GGTA1: variants seen among roughly 807,000 people sequenced by gnomAD.
GGTA1 encodes the protein inactive N-acetyllactosaminide alpha-1,3-galactosyltransferase.
GGTA1 carries 5 observed loss-of-function variants against 2.6 expected under a neutral mutation model. The observed-to-expected ratio is 1.92, with a 90% CI of 1.00 to 4.04. The LOEUF is 4.04. Ranked by LOEUF, GGTA1 falls within the 30% of genes most tolerant of loss-of-function variation. The pLI is 0.00. For synonymous variants in GGTA1, 17 were observed against 5.0 expected, an observed-to-expected ratio of 3.38 and a Z score of -3.19; for missense variants, 50 against 16.7, an observed-to-expected ratio of 2.99 and a Z score of -3.47.
At chr9:121,497,440 C>T (rs539300025) in intron 1 of GGTA1, among the ~76,000 whole-genome samples, 2 of 152,156 alleles carry the variant, frequency 1.3e-5, no homozygotes, top group East Asian at 1.9e-4. Context: ...AAGCACCAAC[C>T]TTAGAGCCAG....
chr9:121,459,675 C>T (rs2064943690), intron 5 of GGTA1, among the ~76,000 whole-genome samples: 1 of 152,142 alleles, frequency 6.6e-6, no homozygotes, highest in East Asian at 1.9e-4. Flanking sequence ...TGGCCAATGG[C>T]ACCATCACCC....
At chr9:121,456,715 C>T (rs146885829) in intron 5 of GGTA1, among the ~76,000 whole-genome samples, 24 of 151,772 alleles carry the variant, frequency 1.6e-4, no homozygotes, top group African/African-American at 5.6e-4. Flanking sequence ...CATGCCCAGC[C>T]GGAAGCATTA....
intron 1 of GGTA1, among the ~76,000 whole-genome samples, chr9:121,484,281 C>T (rs1308875832): frequency 1.3e-5 from 2 of 152,160 alleles, no homozygotes; most frequent in Non-Finnish European, 2.9e-5. Flanking sequence ...CTGGCCAGAA[C>T]TAGATTCACA....
chr9:121,445,633 T>C lies in GGTA1; in HGVS notation c.*2083A>G, dbSNP rs139922456. ...TCACAGCTTCTCTTAGAGAAGGGAA[T>C]TGAATGTTAAGCTGTTCAGTCATGA... On this transcript the variant is annotated 3_prime_UTR_variant and NMD_transcript_variant, in exon 8 of 8. Coordinates refer to the GGTA1 transcript ENST00000481534. 4.6e-5 allele frequency: 7 copies of C among 152,354 alleles called. No individual in the cohort carries two copies. The East Asian group carries it at 1.2e-3, about 25-fold the overall frequency. The allele number at this position is 152,354 out of a possible 1,614,324, so 9.4% of individuals were successfully genotyped here.
intron 1 of GGTA1, among the ~76,000 whole-genome samples, chr9:121,470,214 G>A (rs1828359274): frequency 6.6e-6 from 1 of 152,240 alleles, no homozygotes; most frequent in East Asian, 1.9e-4. Context: ...TAGGTAGAGA[G>A]ATGGAAAGTG....
chr9:121,449,185 C>G (rs1469302288), intron 7 of GGTA1, among the ~76,000 whole-genome samples: 1 of 152,150 alleles, frequency 6.6e-6, no homozygotes, highest in Non-Finnish European at 1.5e-5. Flanking sequence ...GTTCATTTTT[C>G]TATTCACCTA....
At chr9:121,497,126 G>C (rs148860542) in intron 1 of GGTA1, among the ~76,000 whole-genome samples, 28 of 152,002 alleles carry the variant, frequency 1.8e-4, no homozygotes, top group African/African-American at 6.5e-4. Context: ...CTGGGAGGTG[G>C]AGGTTGCAGT....
chr9:121,457,574 G>A lies in GGTA1; in HGVS notation c.299-1733C>T, dbSNP rs570521575. On this transcript the variant is annotated intron_variant, in intron 5 of 5. Transcript: ENST00000481799. ...AAATTAGCCGGGTGCAGTGGCGGGCGCCTGTAGTCCCAGCTACTCGGGAGG... is the reference window on the plus strand; with the variant it reads ...AAATTAGCCGGGTGCAGTGGCGGGCACCTGTAGTCCCAGCTACTCGGGAGG... Among the ~76,000 whole-genome samples the A allele has an allele frequency of 3.4e-4, 51 of 151,746 alleles. 1 individual carries two copies. The highest frequency in any genetic ancestry group is 1.0e-3 in the African/African-American group (42 of 41,436).
chr9:121,451,189 CTTTCT>C (rs1218662002), downstream of GGTA1, among the ~76,000 whole-genome samples: 1 of 151,966 alleles, frequency 6.6e-6, no homozygotes, highest in Non-Finnish European at 1.5e-5. Context: ...CTAGAACTTT[CTTTCT>C]TTTCTTTTCT....
intron 3 of GGTA1, among the ~76,000 whole-genome samples, chr9:121,461,624 G>T (rs1220836559): frequency 6.6e-6 from 1 of 152,120 alleles, no homozygotes; most frequent in Non-Finnish European, 1.5e-5. Context: ...TTCTAGATCT[G>T]CCACTTACTA....
intron 7 of GGTA1, chr9:121,447,671 C>T (rs1299035962): frequency 1.3e-5 from 2 of 152,136 alleles, no homozygotes; most frequent in Admixed American, 1.3e-4. Context: ...AAAAAACCCA[C>T]ATGTGGGTTT....
At chr9:121,460,918 A>G (rs142844182) in intron 4 of GGTA1, among the ~76,000 whole-genome samples, 7 of 152,224 alleles carry the variant, frequency 4.6e-5, no homozygotes, top group Non-Finnish European at 8.8e-5. Context: ...AAAACAAAAC[A>G]AAAGACTTAT....
intron 3 of GGTA1, 159 bp downstream of exon 3, chr9:121,463,134 C>T: frequency 2.4e-6 from 1 of 409,160 alleles, no homozygotes; most frequent in South Asian, 1.8e-5. Flanking sequence ...TCTACGGAAG[C>T]TGCAGAAATA....
chr9:121,493,850 G>A (rs571074990), intron 1 of GGTA1, among the ~76,000 whole-genome samples: 3 of 143,190 alleles, frequency 2.1e-5, no homozygotes, highest in Admixed American at 7.4e-5. Flanking sequence ...TCCACCTCCC[G>A]AGTTCAAGTG....
chr9:121,458,986 G>A (rs903708929), intron 5 of GGTA1, among the ~76,000 whole-genome samples: 1 of 152,154 alleles, frequency 6.6e-6, no homozygotes, highest in African/African-American at 2.4e-5. Context: ...ACATTTCTAT[G>A]AGTGGTTTAG....
At chr9:121,472,080 A>G (rs1464749063) in intron 1 of GGTA1, among the ~76,000 whole-genome samples, 1 of 152,174 alleles carries the variant, frequency 6.6e-6, no homozygotes, top group Non-Finnish European at 1.5e-5. Context: ...TGAAAACCCA[A>G]CACCTTTTTG....
chr9:121,467,040 C>T (rs1180442781), intron 2 of GGTA1, among the ~76,000 whole-genome samples: 13 of 152,074 alleles, frequency 8.5e-5, no homozygotes, highest in African/African-American at 2.7e-4. Context: ...TGAAACACTC[C>T]GCTATGAAAA....
At chr9:121,446,377 A>T (rs1330882981) in exon 8 of GGTA1, 2 of 152,274 alleles carry the variant, frequency 1.3e-5, no homozygotes, top group East Asian at 3.9e-4. Flanking sequence ...GCCAAACAAC[A>T]TCCAGATGAG....
intron 1 of GGTA1, among the ~76,000 whole-genome samples, chr9:121,472,402 C>T (rs1336752349): frequency 6.6e-6 from 1 of 150,854 alleles, no homozygotes; most frequent in African/African-American, 2.4e-5. Flanking sequence ...CGTATAAATG[C>T]AGAAGAAAAA....
Sources: allele counts gnomAD v4.1 joint callset (sites outside exome capture counted in the v4.1 genomes callset), GRCh38; gene constraint gnomAD v4.1.1; transcripts MANE v1.5; gene names NCBI Gene and HGNC (gene_info 2026-07-23, HGNC 2026-07-21).